The following TTC7B variants were observed in gnomAD, a reference collection of about 807,000 sequenced individuals.
TTC7B encodes the protein tetratricopeptide repeat domain 7B.
A neutral mutation model predicts 106.8 loss-of-function variants in TTC7B; 28 were observed. That is an observed-to-expected ratio of 0.26 (90% CI 0.19 to 0.36). The LOEUF (loss-of-function observed/expected upper bound fraction) is 0.36. Among genes scored for constraint, TTC7B ranks in the 10% least tolerant of loss-of-function variants. The pLI, the probability that TTC7B is intolerant of heterozygous loss-of-function variation, is 1.00. For synonymous variants in TTC7B, 405 were observed against 430.6 expected, an observed-to-expected ratio of 0.94 and a Z score of 0.74; for missense variants, 862 against 1,076.4, an observed-to-expected ratio of 0.80 and a Z score of 2.79.
chr14:90,576,679 C>A (rs760915765), intron 19 of TTC7B, among the ~76,000 whole-genome samples: 13 of 152,242 alleles, frequency 8.5e-5, no homozygotes, highest in Non-Finnish European at 1.8e-4. Context: ...GAGTCAGGAC[C>A]AGGGCTTAGT....
At chr14:90,593,255 C>T (rs1408371436) in intron 18 of TTC7B, among the ~76,000 whole-genome samples, 1 of 152,260 alleles carries the variant, frequency 6.6e-6, no homozygotes, top group African/African-American at 2.4e-5. Context: ...GATGTCTGCT[C>T]TGTGCCAGGG....
intron 18 of TTC7B, among the ~76,000 whole-genome samples, chr14:90,586,563 C>A (rs1595181053): frequency 6.6e-6 from 1 of 152,346 alleles, no homozygotes; most frequent in East Asian, 1.9e-4. Flanking sequence ...AGCCACTGCA[C>A]CCGGCTGTTC....
chr14:90,524,983 T>G lies in TTC7B; in HGVS notation c.*16385A>C, dbSNP rs906608994. 11 of 152,178 alleles carry G rather than the reference T, an allele frequency of 7.2e-5. No homozygotes were observed. The highest frequency in any genetic ancestry group is 2.0e-4 in the Admixed American group (3 of 15,286). The allele number at this position is 152,178 out of a possible 1,614,324, so 9.4% of individuals were successfully genotyped here. A position where few individuals can be genotyped will look rare whatever the true frequency, so the allele number is the denominator to read the frequency against. ...CAAGCATTTAAAGTATACAGTTCAATATGTCTTGACATTTGTATCTATCCA... is the reference window on the plus strand; with the variant it reads ...CAAGCATTTAAAGTATACAGTTCAAGATGTCTTGACATTTGTATCTATCCA... On this transcript the variant is annotated 3_prime_UTR_variant, in exon 20 of 20. Transcript: ENST00000328459.
At chr14:90,571,315 C>T (rs963097538) in intron 19 of TTC7B, among the ~76,000 whole-genome samples, 7 of 152,140 alleles carry the variant, frequency 4.6e-5, no homozygotes, top group African/African-American at 1.4e-4. Context: ...GAGCAAAGAT[C>T]GAAGATGAAG....
chr14:90,616,504 C>A (rs4904709), intron 16 of TTC7B, among the ~76,000 whole-genome samples: 23,116 of 150,730 alleles, frequency 0.15, 1,820 homozygotes, highest in South Asian at 0.21. Flanking sequence ...AAGGGGACTT[C>A]CAGCTGGGGG....
intron 19 of TTC7B, 47 bp from the exon 20 acceptor site, chr14:90,541,636 A>C: frequency 6.9e-7 from 1 of 1,444,150 alleles, no homozygotes; most frequent in Non-Finnish European, 9.3e-7. Context: ...TGGAGGCTTC[A>C]GGAGCTCTGC....
intron 3 of TTC7B, among the ~76,000 whole-genome samples, chr14:90,766,225 G>A (rs1462577875): frequency 6.8e-6 from 1 of 147,342 alleles, no homozygotes; most frequent in Non-Finnish European, 1.5e-5. Flanking sequence ...AGATTCAAAT[G>A]TCTATTTTTC....
At chr14:90,778,321 C>T (rs1374010463) in intron 3 of TTC7B, among the ~76,000 whole-genome samples, 1 of 152,194 alleles carries the variant, frequency 6.6e-6, no homozygotes, top group African/African-American at 2.4e-5. Flanking sequence ...GGGCCAGGCT[C>T]GGGGCCCAAG....
At chr14:90,619,726 G>A (rs574974527) in intron 15 of TTC7B, among the ~76,000 whole-genome samples, 1 of 152,146 alleles carries the variant, frequency 6.6e-6, no homozygotes, top group Admixed American at 6.5e-5. Flanking sequence ...AAGCTCTGGT[G>A]CCCTTTGGTT....
In TTC7B at chr14:90,757,983, T is replaced by A. The variant is rs1890358705; in HGVS notation, c.446-13061A>T. On this transcript the variant is annotated intron_variant, in intron 3 of 19. Transcript: ENST00000328459. This position sits in a 1 kb window ranked among gnomAD's most constrained non-coding sequence, Gnocchi z 4.1. ...AATGCTGTCAGCTTCTACGAGAGTC[T>A]CTATAAATATGGTCTCAGAAAACAA... is the stretch of plus-strand genomic sequence containing the variant. Among the ~76,000 whole-genome samples, 2 of 152,194 alleles carry A rather than the reference T, an allele frequency of 1.3e-5. No homozygotes were observed. Among genetic ancestry groups the A allele is most frequent in the South Asian group, 4.1e-4 (2 of 4,824 alleles).
chr14:90,604,990 C>G (rs1282819597), intron 17 of TTC7B, among the ~76,000 whole-genome samples: 1 of 152,200 alleles, frequency 6.6e-6, no homozygotes. Flanking sequence ...AAAATGTGGT[C>G]TAAAACCCAC....
At chr14:90,682,049 C>A (rs145475297) in intron 7 of TTC7B, among the ~76,000 whole-genome samples, 39 of 152,188 alleles carry the variant, frequency 2.6e-4, no homozygotes, top group African/African-American at 9.4e-4. Flanking sequence ...ACACCCATGC[C>A]CAGCAATCAT....
At chr14:90,690,042 C>T (rs1887410120) in intron 6 of TTC7B, among the ~76,000 whole-genome samples, 2 of 152,210 alleles carry the variant, frequency 1.3e-5, no homozygotes, top group Admixed American at 1.3e-4. Context: ...TTATAAATAA[C>T]AGGTGAGCTG....
rs186076520 is a variant in TTC7B at position 90,685,472 on chromosome 14, T to C, written c.950+4068A>G. Among the ~76,000 whole-genome samples the C allele has an allele frequency of 6.0e-3, 916 of 152,238 alleles. 14 individuals are homozygous for C. The highest frequency in any genetic ancestry group is 0.031 in the Middle Eastern group (9 of 294). ...ACAAAATTACAAAGCTAAAAACTGATGGTGATAAATGAAGGCATAGGATTC... is the reference window on the plus strand; with the variant it reads ...ACAAAATTACAAAGCTAAAAACTGACGGTGATAAATGAAGGCATAGGATTC... On this transcript the variant is annotated intron_variant, in intron 7 of 19. Coordinates refer to ENST00000328459, the MANE Select transcript of TTC7B (RefSeq NM_001010854.2).
In TTC7B at chr14:90,578,179, A is replaced by G. The variant is rs1052539014; in HGVS notation, c.2237T>C (p.Met746Thr). The G allele has an allele frequency of 1.2e-6, 2 of 1,613,866 alleles. No homozygotes were observed. Among genetic ancestry groups the G allele is most frequent in the African/African-American group, 1.3e-5 (1 of 74,926 alleles). Residue 746 changes from methionine to threonine, a missense_variant, in exon 19 of 20, where the codon ATG (methionine) becomes ACG (threonine). Met to Thr is a moderately conservative substitution (Grantham distance 81). Coordinates refer to ENST00000328459, the MANE Select transcript of TTC7B (RefSeq NM_001010854.2). This position sits in a 1 kb window ranked among gnomAD's most constrained non-coding sequence, Gnocchi z 4.7. ...TTCATACCACCGCCGCGCCTCGTCC[A>G]TGCTTCCCCGGAGCTCAGCAATCTG... ...RGQIAELRGS[M>T]DEARRWYEEA...
intron 4 of TTC7B, among the ~76,000 whole-genome samples, chr14:90,743,528 A>G (rs1249047269): frequency 6.6e-6 from 1 of 152,220 alleles, no homozygotes; most frequent in Non-Finnish European, 1.5e-5. Flanking sequence ...ATTTCTAATC[A>G]TTTCAAACAC....
At chr14:90,733,249 CTT>C in intron 4 of TTC7B, among the ~76,000 whole-genome samples, 1 of 152,182 alleles carries the variant, frequency 6.6e-6, no homozygotes, top group South Asian at 2.1e-4. Context: ...ATTGTCCTCT[CTT>C]TACCAGAGGG....
Position 90,528,802 on chromosome 14 carries a change from T to C in TTC7B, c.*12566A>G, listed in dbSNP as rs371005135. ...TTTCTGATGGTTGTTTCTGGTGGTG[T>C]GACCCAACTGCACTTTGTTACCTGT... On this transcript the variant is annotated 3_prime_UTR_variant, in exon 20 of 20. Coordinates refer to ENST00000328459, the MANE Select transcript of TTC7B (RefSeq NM_001010854.2). 67 of 152,842 alleles carry C rather than the reference T, an allele frequency of 4.4e-4. No homozygotes were observed. In the South Asian group the frequency reaches 0.013, roughly 30 times the overall value. The allele number at this position is 152,842 out of a possible 1,614,324, so 9.5% of individuals were successfully genotyped here.
rs1008983710 is a variant in TTC7B, at chr14:90,578,816, G to T, written c.2108-508C>A. The stretch of plus-strand genomic sequence containing the variant: ...GGCTGCAGCTATCATGTTCACAGGC[G>T]TGATGCAAGATGGCTGCCCCGCCAC... On this transcript the variant is annotated intron_variant, in intron 18 of 19. Coordinates refer to ENST00000328459, the MANE Select transcript of TTC7B (RefSeq NM_001010854.2). This position sits in a 1 kb window ranked among gnomAD's most constrained non-coding sequence, Gnocchi z 4.7. Among the ~76,000 whole-genome samples, 1 of 152,218 alleles carries T rather than the reference G, an allele frequency of 6.6e-6. No homozygotes were observed. The highest frequency in any genetic ancestry group is 6.5e-5 in the Admixed American group (1 of 15,302).
Sources: gnomAD v4.1 joint callset for allele counts (sites outside exome capture counted in the v4.1 genomes callset) on GRCh38, gnomAD v4.1.1 for gene constraint, Gnocchi (gnomAD v3.1) non-coding constraint, MANE v1.5 for transcripts, NCBI Gene and HGNC (gene_info 2026-07-23, HGNC 2026-07-21) for gene names.